The following MLLT3 variants were observed in gnomAD, a reference collection of about 807,000 sequenced individuals.
The protein encoded by MLLT3 is protein AF-9.
A neutral mutation model predicts 53.2 loss-of-function variants in MLLT3; 4 were observed. The observed-to-expected ratio is 0.08, with a 90% CI of 0.04 to 0.17. The LOEUF is 0.17. Among genes scored for constraint, MLLT3 ranks in the 10% least tolerant of loss-of-function variants. The pLI, the probability that MLLT3 is intolerant of heterozygous loss-of-function variation, is 1.00. For synonymous variants in MLLT3, 283 were observed against 230.6 expected (o/e 1.23, Z -2.06); for missense variants, 569 against 684.0 (o/e 0.83, Z 1.87).
At chr9:20,567,768 T>C (rs1367133935) in intron 2 of MLLT3, among the ~76,000 whole-genome samples, 4 of 152,020 alleles carry the variant, frequency 2.6e-5, no homozygotes, top group Non-Finnish European at 5.9e-5. Flanking sequence ...ACCAAACAGG[T>C]TTTTGGCTCA....
intron 2 of MLLT3, among the ~76,000 whole-genome samples, chr9:20,500,628 A>C (rs1825199515): frequency 6.6e-6 from 1 of 152,220 alleles, no homozygotes; most frequent in Admixed American, 6.5e-5. Flanking sequence ...CACTCAGTTC[A>C]AATTAAATTC....
chr9:20,492,644 TA>T (rs1262693403), intron 2 of MLLT3, among the ~76,000 whole-genome samples: 1 of 151,936 alleles, frequency 6.6e-6, no homozygotes, highest in East Asian at 1.9e-4. Context: ...AAAAATCATT[TA>T]TATAAGAGCA....
At chr9:20,400,072 T>C (rs971129344) in intron 5 of MLLT3, among the ~76,000 whole-genome samples, 1 of 151,916 alleles carries the variant, frequency 6.6e-6, no homozygotes. Context: ...TCTTACATTA[T>C]AGGCCTCCTA....
intron 6 of MLLT3, among the ~76,000 whole-genome samples, chr9:20,364,913 T>C (rs948186672): frequency 2.6e-5 from 4 of 152,262 alleles, no homozygotes; most frequent in South Asian, 2.1e-4. Flanking sequence ...TTAAATATTC[T>C]AGTTTAAATG....
At chr9:20,485,500 T>A (rs1824786612) in intron 2 of MLLT3, among the ~76,000 whole-genome samples, 2 of 152,220 alleles carry the variant, frequency 1.3e-5, no homozygotes, top group African/African-American at 2.4e-5. Context: ...AAACAATATA[T>A]CTTATTTTCG....
chr9:20,432,807 T>C (rs916848760), intron 4 of MLLT3, among the ~76,000 whole-genome samples: 4 of 152,132 alleles, frequency 2.6e-5, no homozygotes, highest in African/African-American at 7.2e-5. Flanking sequence ...CAAAAAACTA[T>C]TTCCCTTCAC....
Position 20,448,369 on chromosome 9 carries a change from C to CATCT in MLLT3, c.277-107_277-104dup, listed in dbSNP as rs975204862. 6.0e-6 allele frequency: 6 copies of CATCT among 997,074 alleles called. No homozygotes were observed. The highest frequency in any genetic ancestry group is 8.8e-6 in the Non-Finnish European group (6 of 680,512). The allele number at this position is 997,074 out of a possible 1,614,324, so 61.8% of individuals were successfully genotyped here. A position where few individuals can be genotyped will look rare whatever the true frequency, so the allele number is the denominator to read the frequency against. On this transcript the variant is annotated intron_variant, in intron 3 of 10. Transcript: ENST00000380338. This position sits in a 1 kb window ranked among gnomAD's most constrained non-coding sequence, Gnocchi z 4.0. ...CATAAGAAATAGAAAAGAACTAAGA[C>CATCT]ATCTAACAGCTAAACTGTCAAAGTA...
At chr9:20,406,099 G>C (rs1822571199) in intron 5 of MLLT3, among the ~76,000 whole-genome samples, 1 of 151,722 alleles carries the variant, frequency 6.6e-6, no homozygotes, top group African/African-American at 2.4e-5. Context: ...ATAACAGAGT[G>C]AGACTCCACC....
At chr9:20,385,342 C>G (rs1223374659) in intron 5 of MLLT3, among the ~76,000 whole-genome samples, 1 of 152,074 alleles carries the variant, frequency 6.6e-6, no homozygotes, top group African/African-American at 2.4e-5. Context: ...GAAAAAATCC[C>G]ACTTCCAGTT....
chr9:20,379,650 T>G (rs1234749961), intron 5 of MLLT3, among the ~76,000 whole-genome samples: 1 of 152,124 alleles, frequency 6.6e-6, no homozygotes, highest in Non-Finnish European at 1.5e-5. Context: ...TAGGTTTTAA[T>G]TTAAAAACAA....
At chr9:20,408,635 C>G (rs1216938433) in intron 5 of MLLT3, among the ~76,000 whole-genome samples, 1 of 152,150 alleles carries the variant, frequency 6.6e-6, no homozygotes, top group African/African-American at 2.4e-5. Context: ...CAGCTGCTCC[C>G]TCACCATACT....
At chr9:20,419,573 ATAAT>A (rs918043859) in intron 4 of MLLT3, among the ~76,000 whole-genome samples, 44 of 152,182 alleles carry the variant, frequency 2.9e-4, no homozygotes, top group African/African-American at 1.1e-3. Context: ...TCCAGAAAGA[ATAAT>A]TACTTAAAAT....
intron 5 of MLLT3, among the ~76,000 whole-genome samples, chr9:20,395,726 T>A (rs1376295292): frequency 6.6e-6 from 1 of 152,178 alleles, no homozygotes; most frequent in Non-Finnish European, 1.5e-5. Context: ...TTCCTTTGAC[T>A]TAGTGACATG....
intron 4 of MLLT3, among the ~76,000 whole-genome samples, chr9:20,444,849 G>T (rs1326979666): frequency 6.6e-6 from 1 of 150,596 alleles, no homozygotes; most frequent in Non-Finnish European, 1.5e-5. Context: ...TCCAGCCTGG[G>T]TGACAGAGTA....
At position 20,414,279 on chromosome 9, in the gene MLLT3, ACTGCTGCTGCTGCTGCTGCTACTG is replaced by A; in HGVS notation, c.543_566del (p.Ser183_Ser190del). The A allele has an allele frequency of 1.2e-6, 2 of 1,608,842 alleles. No individual in the cohort carries two copies. Among genetic ancestry groups the A allele is most frequent in the Non-Finnish European group, 1.7e-6 (2 of 1,177,646 alleles). On this transcript the variant is annotated inframe_deletion, in exon 5 of 11. Transcript: ENST00000380338. Reference sequence around the variant, plus strand: ...TGTGAGGCTTTGAAAAACTGGTACTACTGCTGCTGCTGCTGCTGCTACTGCTGCTGCTACTGCTGCTGCTGCTGC... The same window carrying A: ...TGTGAGGCTTTGAAAAACTGGTACTACTGCTGCTACTGCTGCTGCTGCTGC...
chr9:20,406,939 T>C (rs1342900276), intron 5 of MLLT3, among the ~76,000 whole-genome samples: 1 of 152,214 alleles, frequency 6.6e-6, no homozygotes, highest in East Asian at 1.9e-4. Context: ...GATTTTTCCT[T>C]GTGGACCTTG....
At position 20,457,424 on chromosome 9, in the gene MLLT3, T is replaced by C. The variant is rs141478823; in HGVS notation, c.194-638A>G. Among the ~76,000 whole-genome samples the C allele has an allele frequency of 1.5e-3, 226 of 151,798 alleles. 2 individuals carry two copies. Among genetic ancestry groups the C allele is most frequent in the African/African-American group, 4.6e-3 (191 of 41,392 alleles). ...GTCACCACACCAGGCTAATTTTGTA[T>C]TTTTAGTAGAGATGGGGTTTCTCCA... On this transcript the variant is annotated intron_variant, in intron 2 of 10. Transcript: ENST00000380338.
intron 6 of MLLT3, among the ~76,000 whole-genome samples, chr9:20,364,302 T>C (rs1321171115): frequency 1.3e-5 from 2 of 152,092 alleles, no homozygotes; most frequent in Non-Finnish European, 2.9e-5. Flanking sequence ...GTATCCAGTA[T>C]CAGACAGGAA....
At chr9:20,366,292 G>C (rs527779282) in intron 5 of MLLT3, among the ~76,000 whole-genome samples, 1 of 152,122 alleles carries the variant, frequency 6.6e-6, no homozygotes, top group Non-Finnish European at 1.5e-5. Flanking sequence ...GAGAACATGC[G>C]GTGTTTGGTT....
Sources: allele counts gnomAD v4.1 joint callset (sites outside exome capture counted in the v4.1 genomes callset), GRCh38; gene constraint gnomAD v4.1.1; non-coding constraint Gnocchi (gnomAD v3.1); transcripts MANE v1.5; gene names NCBI Gene and HGNC (gene_info 2026-07-23, HGNC 2026-07-21).